Variants in EYS observed in about 807,000 individuals in gnomAD.
EYS encodes EGF-like photoreceptor maintenance factor, also known as protein eyes shut homolog.
Under a neutral mutation model 282.1 loss-of-function variants are expected in EYS, and 250 were observed. The observed-to-expected ratio is 0.89, with a 90% CI of 0.80 to 0.98. The LOEUF (loss-of-function observed/expected upper bound fraction) is 0.98, where lower values mean the gene tolerates loss of function less well. Ranked by LOEUF, EYS falls within the 50% of genes least tolerant of loss-of-function variation. The probability of loss-of-function intolerance (pLI) is 0.00; values close to 1 mark genes in which losing one functional copy is unlikely to be tolerated. For synonymous variants in EYS, 1,355 were observed against 1,282.9 expected, an observed-to-expected ratio of 1.06 and a Z score of -1.20; for missense variants, 4,016 against 3,709.0, an observed-to-expected ratio of 1.08 and a Z score of -2.15.
At chr6:64,342,309 C>T (rs541232080) in intron 29 of EYS, among the ~76,000 whole-genome samples, 18 of 151,618 alleles carry the variant, frequency 1.2e-4, no homozygotes, top group African/African-American at 1.9e-4. Context: ...TAAGGGCAGC[C>T]GGAGAGAAAG....
chr6:65,194,833 G>A (rs1765726322), intron 12 of EYS, among the ~76,000 whole-genome samples: 1 of 150,312 alleles, frequency 6.7e-6, no homozygotes, highest in Non-Finnish European at 1.5e-5. Flanking sequence ...ATACCAGGGA[G>A]AATCTCATGT....
intron 30 of EYS, among the ~76,000 whole-genome samples, chr6:64,264,789 G>A (rs183755046): frequency 6.6e-6 from 1 of 151,802 alleles, no homozygotes; most frequent in East Asian, 1.9e-4. Context: ...CTCTATTCTC[G>A]TCTATTCAAG....
intron 28 of EYS, among the ~76,000 whole-genome samples, chr6:64,422,893 T>G (rs931475354): frequency 3.9e-5 from 6 of 152,188 alleles, no homozygotes; most frequent in Non-Finnish European, 2.9e-5. Context: ...TAGTTCATTT[T>G]ATATAGATAA....
chr6:64,919,723 G>A (rs1768278696), intron 15 of EYS, among the ~76,000 whole-genome samples: 1 of 151,898 alleles, frequency 6.6e-6, no homozygotes, highest in African/African-American at 2.4e-5. Flanking sequence ...TATTCTATAT[G>A]ATTTAATCTC....
chr6:64,968,483 G>C (rs1263778645), intron 14 of EYS, among the ~76,000 whole-genome samples: 2 of 151,994 alleles, frequency 1.3e-5, no homozygotes, highest in Non-Finnish European at 2.9e-5. Flanking sequence ...TAAAACCTTT[G>C]TATATTCACT....
At chr6:65,050,001 A>G (rs1280492736) in intron 13 of EYS, among the ~76,000 whole-genome samples, 2 of 151,672 alleles carry the variant, frequency 1.3e-5, no homozygotes, top group Non-Finnish European at 3.0e-5. Flanking sequence ...ACCCACCCAA[A>G]TGGAGCAGTC....
intron 2 of EYS, among the ~76,000 whole-genome samples, chr6:65,607,579 T>C (rs1285875804): frequency 6.6e-6 from 1 of 151,966 alleles, no homozygotes; most frequent in Admixed American, 6.6e-5. Flanking sequence ...TAAATACTTT[T>C]ATTTTTAAGA....
chr6:64,870,113 C>T (rs907472315), intron 19 of EYS, among the ~76,000 whole-genome samples: 76 of 151,320 alleles, frequency 5.0e-4, no homozygotes, highest in African/African-American at 1.7e-3. Context: ...CTTAGATCAC[C>T]GGATGGATAA....
intron 35 of EYS, among the ~76,000 whole-genome samples, chr6:63,957,122 T>TA (rs1172790853): frequency 9.1e-5 from 13 of 142,634 alleles, no homozygotes; most frequent in East Asian, 2.0e-4. Context: ...GGATGAAGCT[T>TA]ATGTAAGACA....
intron 31 of EYS, among the ~76,000 whole-genome samples, chr6:64,165,175 A>G (rs1000329557): frequency 6.6e-6 from 1 of 152,076 alleles, no homozygotes; most frequent in African/African-American, 2.4e-5. Context: ...ACCTCAATAA[A>G]TCTGTTAAAA....
intron 22 of EYS, among the ~76,000 whole-genome samples, chr6:64,756,837 A>T (rs2149974713): frequency 6.6e-6 from 1 of 152,034 alleles, no homozygotes; most frequent in Non-Finnish European, 1.5e-5. Context: ...AACAATAACA[A>T]ATCAAAGTCA....
chr6:63,896,334 T>C (rs1422519188), intron 35 of EYS, among the ~76,000 whole-genome samples: 1 of 152,224 alleles, frequency 6.6e-6, no homozygotes, highest in Non-Finnish European at 1.5e-5. Context: ...CCCCTCAGAT[T>C]ATTTTGTATA....
At chr6:63,895,169 G>T (rs574714242) in intron 35 of EYS, among the ~76,000 whole-genome samples, 1 of 150,870 alleles carries the variant, frequency 6.6e-6, no homozygotes, top group African/African-American at 2.4e-5. Flanking sequence ...AAGAATGGAG[G>T]CATTGTACAT....
At chr6:65,533,384 C>T (rs1203286056) in intron 2 of EYS, among the ~76,000 whole-genome samples, 4 of 152,114 alleles carry the variant, frequency 2.6e-5, no homozygotes, top group Admixed American at 2.0e-4. Context: ...GACGGATTCA[C>T]AGCAGAATTC....
intron 31 of EYS, among the ~76,000 whole-genome samples, chr6:64,115,656 C>A (rs532849150): frequency 3.3e-5 from 5 of 152,170 alleles, no homozygotes; most frequent in Non-Finnish European, 5.9e-5. Flanking sequence ...TGACCCTACC[C>A]AGCTGGTGTC....
intron 29 of EYS, among the ~76,000 whole-genome samples, chr6:64,361,350 A>G (rs543934220): frequency 1.3e-5 from 2 of 151,716 alleles, no homozygotes; most frequent in African/African-American, 4.8e-5. Context: ...GAGCGATATG[A>G]TAACTACTAA....
intron 26 of EYS, among the ~76,000 whole-genome samples, chr6:64,444,600 T>G (rs1020608144): frequency 1.3e-5 from 2 of 152,212 alleles, no homozygotes; most frequent in East Asian, 3.8e-4. Flanking sequence ...ATGCTGGATT[T>G]ATCATTCTAT....
chr6:65,105,303 T>C (rs371779547), intron 12 of EYS, among the ~76,000 whole-genome samples: 35 of 151,814 alleles, frequency 2.3e-4, no homozygotes, highest in African/African-American at 8.4e-4. Context: ...ATTCTTATAA[T>C]GTTGCATTTC....
chr6:65,229,534 G>T (rs1235892823), intron 12 of EYS, among the ~76,000 whole-genome samples: 1 of 150,772 alleles, frequency 6.6e-6, no homozygotes, highest in Non-Finnish European at 1.5e-5. Flanking sequence ...AAAAAAAGTG[G>T]CAGAATCCGG....
Sources: gnomAD v4.1 joint callset for allele counts (sites outside exome capture counted in the v4.1 genomes callset) on GRCh38, gnomAD v4.1.1 for gene constraint, MANE v1.5 for transcripts, NCBI Gene and HGNC (gene_info 2026-07-23, HGNC 2026-07-21) for gene names.